The following DOK6 variants were observed in gnomAD, a reference collection of about 807,000 sequenced individuals.
DOK6 encodes docking protein 6.
Under a neutral mutation model 44.0 loss-of-function variants are expected in DOK6, and 22 were observed. The ratio of observed to expected loss-of-function variants is 0.50; its 90% CI spans 0.36 to 0.71. DOK6 has a LOEUF of 0.71. Ranked by LOEUF, DOK6 falls within the 30% of genes least tolerant of loss-of-function variation. The probability of loss-of-function intolerance (pLI) is 0.00; values close to 1 mark genes in which losing one functional copy is unlikely to be tolerated. For missense variants in DOK6, 340 were observed against 416.4 expected, an observed-to-expected ratio of 0.82 and a Z score of 1.60; for synonymous variants, 166 against 145.5, an observed-to-expected ratio of 1.14 and a Z score of -1.01.
chr18:69,650,945 C>T (rs937936233), intron 3 of DOK6, among the ~76,000 whole-genome samples: 7 of 152,098 alleles, frequency 4.6e-5, no homozygotes, highest in Non-Finnish European at 7.4e-5. Flanking sequence ...TTCATCAAGG[C>T]GGTGGTTAAA....
chr18:69,826,302 GT>G (rs1049729196), intron 7 of DOK6, among the ~76,000 whole-genome samples: 20 of 152,054 alleles, frequency 1.3e-4, no homozygotes, highest in Non-Finnish European at 1.8e-4. Context: ...TATCCTGCAG[GT>G]TTTCAGTTCC....
intron 7 of DOK6, among the ~76,000 whole-genome samples, chr18:69,780,675 ATC>A (rs1458732454): frequency 6.6e-6 from 1 of 152,180 alleles, no homozygotes; most frequent in Non-Finnish European, 1.5e-5. Flanking sequence ...CATGGACACA[ATC>A]TCTCTTTCTA....
In DOK6 at chr18:69,712,328, T is replaced by TAAAAAAAA; in HGVS notation, c.599+13735_599+13736insAAAAAAAA. 5.9e-5 allele frequency among the ~76,000 whole-genome samples: 2 copies of TAAAAAAAA among 33,712 alleles called. 1 individual carries two copies. The highest frequency in any genetic ancestry group is 1.2e-4 in the Non-Finnish European group (2 of 16,910). 22.1% of individuals were successfully genotyped at this position (33,712 alleles called of 152,430 possible). ...AAAAAAAAAAAAAAAAAAAAAAAAT[T>TAAAAAAAA]TAACCTTTTCCGAATCACATTTGTG... On this transcript the variant is annotated intron_variant, in intron 5 of 7. Transcript: ENST00000382713.
Position 69,425,862 on chromosome 18 carries a change from G to A in DOK6, c.66+24552G>A, listed in dbSNP as rs183246850. ...TAAATATTAAGGAGTGGGCAAAACT[G>A]TCCTAAAGATTATTTTAACACTAGC... On this transcript the variant is annotated intron_variant, in intron 1 of 7. Coordinates refer to ENST00000382713, the MANE Select transcript of DOK6 (RefSeq NM_152721.6). Among the ~76,000 whole-genome samples, 92 of 152,102 alleles carry A rather than the reference G, an allele frequency of 6.0e-4. 2 individuals are homozygous for A. The highest frequency in any genetic ancestry group is 2.1e-3 in the African/African-American group (89 of 41,536).
At chr18:69,405,148 C>T (rs1599115330) in intron 1 of DOK6, among the ~76,000 whole-genome samples, 1 of 152,206 alleles carries the variant, frequency 6.6e-6, no homozygotes, top group East Asian at 1.9e-4. Context: ...ACCTCTTGCC[C>T]TTTCTCCCTT....
intron 1 of DOK6, among the ~76,000 whole-genome samples, chr18:69,448,852 A>G (rs1979372159): frequency 6.6e-6 from 1 of 152,240 alleles, no homozygotes; most frequent in Non-Finnish European, 1.5e-5. Flanking sequence ...ATATTTGAAA[A>G]ATATGGCAAT....
chr18:69,415,540 T>C (rs953406763), intron 1 of DOK6, among the ~76,000 whole-genome samples: 1 of 152,124 alleles, frequency 6.6e-6, no homozygotes, highest in African/African-American at 2.4e-5. Context: ...ATCTTAAAGA[T>C]AGGCACCAGA....
At chr18:69,680,760 A>G (rs573214215) in intron 4 of DOK6, among the ~76,000 whole-genome samples, 9 of 152,340 alleles carry the variant, frequency 5.9e-5, no homozygotes, top group African/African-American at 2.2e-4. Flanking sequence ...CCTCATGGTA[A>G]AGACTAAGAT....
intron 1 of DOK6, among the ~76,000 whole-genome samples, chr18:69,505,491 C>CTTT (rs772908185): frequency 1.2e-3 from 110 of 88,528 alleles, no homozygotes; most frequent in East Asian, 2.9e-3. Context: ...TACTCCCATT[C>CTTT]TTTTTTTTTT....
chr18:69,644,629 G>A (rs369910885), intron 3 of DOK6, among the ~76,000 whole-genome samples: 1 of 151,654 alleles, frequency 6.6e-6, no homozygotes. Context: ...GTGCCCTGCC[G>A]AGACCACACC....
At chr18:69,566,272 G>T (rs543849198) in intron 2 of DOK6, among the ~76,000 whole-genome samples, 1 of 152,052 alleles carries the variant, frequency 6.6e-6, no homozygotes, top group East Asian at 1.9e-4. Flanking sequence ...GAGTAGCTGG[G>T]ACTACAGGCG....
chr18:69,535,605 A>T (rs1284749572), intron 1 of DOK6, among the ~76,000 whole-genome samples: 1 of 151,756 alleles, frequency 6.6e-6, no homozygotes, highest in African/African-American at 2.4e-5. Flanking sequence ...TATGTGATTC[A>T]TGTATATATA....
At chr18:69,824,220 G>A (rs1308423895) in intron 7 of DOK6, among the ~76,000 whole-genome samples, 11 of 74,588 alleles carry the variant, frequency 1.5e-4, no homozygotes, top group African/African-American at 2.9e-4. Flanking sequence ...AACAGGCCCC[G>A]GTGTGTGATG....
intron 2 of DOK6, among the ~76,000 whole-genome samples, chr18:69,574,875 A>C (rs1983202036): frequency 6.6e-6 from 1 of 152,064 alleles, no homozygotes; most frequent in Admixed American, 6.6e-5. Flanking sequence ...AGTTAATTAA[A>C]TATTATAATA....
chr18:69,408,188 T>G (rs1010111694), intron 1 of DOK6, among the ~76,000 whole-genome samples: 1 of 152,212 alleles, frequency 6.6e-6, no homozygotes, highest in Non-Finnish European at 1.5e-5. Context: ...GGAGTATATA[T>G]AGACAAGTTC....
intron 6 of DOK6, among the ~76,000 whole-genome samples, chr18:69,747,322 ATG>A (rs1979017323): frequency 6.6e-6 from 1 of 152,220 alleles, no homozygotes; most frequent in Non-Finnish European, 1.5e-5. Flanking sequence ...TTTTATACAA[ATG>A]AATTTTATGT....
intron 1 of DOK6, among the ~76,000 whole-genome samples, chr18:69,562,838 G>C (rs1270507852): frequency 2.0e-5 from 3 of 152,142 alleles, no homozygotes; most frequent in Non-Finnish European, 4.4e-5. Context: ...CACAGCAAAA[G>C]AAACTACCAT....
chr18:69,509,448 T>C (rs889553734), intron 1 of DOK6, among the ~76,000 whole-genome samples: 5 of 151,936 alleles, frequency 3.3e-5, no homozygotes, highest in Admixed American at 1.3e-4. Context: ...CCATCCTGGC[T>C]AACATGGTGA....
intron 4 of DOK6, among the ~76,000 whole-genome samples, chr18:69,687,241 A>G (rs1408991549): frequency 6.6e-6 from 1 of 152,268 alleles, no homozygotes; most frequent in Non-Finnish European, 1.5e-5. Flanking sequence ...GCGTAGCCCA[A>G]TAATGCAAAG....
Sources: gnomAD v4.1 joint callset for allele counts (sites outside exome capture counted in the v4.1 genomes callset) on GRCh38, gnomAD v4.1.1 for gene constraint, MANE v1.5 for transcripts, NCBI Gene and HGNC (gene_info 2026-07-23, HGNC 2026-07-21) for gene names.